Variants in CAMTA1 observed in about 807,000 individuals in gnomAD.
CAMTA1 encodes calmodulin-binding transcription activator 1.
CAMTA1 carries 27 observed loss-of-function variants against 170.9 expected under a neutral mutation model. The ratio of observed to expected loss-of-function variants is 0.16; its 90% CI spans 0.12 to 0.22. CAMTA1 has a LOEUF of 0.22. Ranked by LOEUF, CAMTA1 falls within the 10% of genes least tolerant of loss-of-function variation. The pLI is 1.00. For missense variants in CAMTA1, 1,619 were observed against 2,217.2 expected, an observed-to-expected ratio of 0.73 and a Z score of 5.42; for synonymous variants, 833 against 891.5, an observed-to-expected ratio of 0.93 and a Z score of 1.17.
chr1:7,364,110 G>T (rs2149999269), intron 5 of CAMTA1, among the ~76,000 whole-genome samples: 1 of 152,314 alleles, frequency 6.6e-6, no homozygotes, highest in South Asian at 2.1e-4. Context: ...TTTAGCCAGT[G>T]CCCTGCCTCA....
rs556303696 is a variant in CAMTA1 at position 7,160,981 on chromosome 1, A to G, written c.302+69610A>G. ...CTTTCTCTCTGTCCTTCTTAAGCCC[A>G]TCTGAGTTCAGGGTTCCATGATCTC... On this transcript the variant is annotated intron_variant, in intron 4 of 22. Coordinates refer to ENST00000303635, the MANE Select transcript of CAMTA1 (RefSeq NM_015215.4). 5.9e-5 allele frequency among the ~76,000 whole-genome samples: 9 copies of G among 152,314 alleles called. No homozygotes were observed. The South Asian group carries it at 1.9e-3, about 32-fold the overall frequency.
chr1:7,515,024 G>C (rs959737445), intron 6 of CAMTA1, among the ~76,000 whole-genome samples: 77 of 150,880 alleles, frequency 5.1e-4, no homozygotes, highest in African/African-American at 1.9e-3. Context: ...CTTCACCTGG[G>C]ATCATCAGGC....
chr1:7,264,888 G>A (rs986513733), intron 5 of CAMTA1, among the ~76,000 whole-genome samples: 1 of 152,182 alleles, frequency 6.6e-6, no homozygotes, highest in Non-Finnish European at 1.5e-5. Context: ...TCCTTTTGAT[G>A]AATAGAATGC....
intron 3 of CAMTA1, among the ~76,000 whole-genome samples, chr1:6,977,409 C>T (rs527809645): frequency 1.1e-4 from 16 of 151,992 alleles, no homozygotes; most frequent in East Asian, 5.8e-4. Flanking sequence ...GGCGCAGTCT[C>T]GGCTCACTGC....
chr1:7,428,427 C>T (rs72856652), intron 5 of CAMTA1, among the ~76,000 whole-genome samples: 10 of 144,860 alleles, frequency 6.9e-5, no homozygotes, highest in African/African-American at 8.6e-5. Flanking sequence ...AGGATTTTAC[C>T]GAGGGCCGAT....
chr1:7,567,502 G>A (rs114055160), intron 6 of CAMTA1, among the ~76,000 whole-genome samples: 1,941 of 152,324 alleles, frequency 0.013, 41 homozygotes, highest in African/African-American at 0.044. Context: ...GGTGGTGGCC[G>A]ATGACAGGGA....
intron 5 of CAMTA1, among the ~76,000 whole-genome samples, chr1:7,405,342 GCTTTT>G (rs1355356627): frequency 6.6e-6 from 1 of 151,792 alleles, no homozygotes; most frequent in Non-Finnish European, 1.5e-5. Context: ...TAGAAAAAAA[GCTTTT>G]CTTTTCTTTT....
At chr1:7,396,749 T>A (rs540161053) in intron 5 of CAMTA1, among the ~76,000 whole-genome samples, 12 of 152,118 alleles carry the variant, frequency 7.9e-5, no homozygotes, top group Non-Finnish European at 1.2e-4. Flanking sequence ...TCTACTGAAG[T>A]GATTATATAG....
chr1:7,487,966 C>T (rs2093639728), intron 6 of CAMTA1, among the ~76,000 whole-genome samples: 1 of 152,182 alleles, frequency 6.6e-6, no homozygotes, highest in African/African-American at 2.4e-5. Context: ...TTGCCGCCAC[C>T]TCCCACACAG....
rs1408936691 is a variant in CAMTA1, at chr1:7,113,613, A to G, written c.302+22242A>G. ...AGTTAAAGAGTTTGTGGCATTTTAA[A>G]TGCTTTATAGATTAATTTATATTCT... On this transcript the variant is annotated intron_variant, in intron 4 of 22. Transcript: ENST00000303635. This position sits in a 1 kb window ranked among gnomAD's most constrained non-coding sequence, Gnocchi z 4.5. 6.6e-6 allele frequency among the ~76,000 whole-genome samples: 1 copy of G among 152,208 alleles called. No individual in the cohort carries two copies. The highest frequency in any genetic ancestry group is 1.5e-5 in the Non-Finnish European group (1 of 68,026).
In CAMTA1 at chr1:7,547,744, T is replaced by C. The variant is rs993802074; in HGVS notation, c.510+79843T>C. 6.6e-6 allele frequency among the ~76,000 whole-genome samples: 1 copy of C among 151,970 alleles called. No individual in the cohort carries two copies. Among genetic ancestry groups the C allele is most frequent in the Non-Finnish European group, 1.5e-5 (1 of 68,024 alleles). Reference sequence around the variant, plus strand: ...TCATCAGCTACCGTTAGTGTTAGTATATTTATGTGTGGCCTAAGAGAATTA... The same window carrying C: ...TCATCAGCTACCGTTAGTGTTAGTACATTTATGTGTGGCCTAAGAGAATTA... On this transcript the variant is annotated intron_variant, in intron 6 of 22. Transcript: ENST00000303635. The surrounding 1 kb of genome is among the most constrained non-coding windows in gnomAD (Gnocchi z 5.7).
chr1:7,285,065 C>T (rs1022121088), intron 5 of CAMTA1, among the ~76,000 whole-genome samples: 1 of 152,206 alleles, frequency 6.6e-6, no homozygotes, highest in Non-Finnish European at 1.5e-5. Context: ...CTCCAAGGCT[C>T]CTTTTGGTCC....
At chr1:7,434,327 C>T (rs796794528) in intron 5 of CAMTA1, among the ~76,000 whole-genome samples, 82 of 152,312 alleles carry the variant, frequency 5.4e-4, no homozygotes, top group African/African-American at 1.7e-3. Flanking sequence ...CCCTCAGCCC[C>T]GAACACTGCA....
intron 5 of CAMTA1, chr1:7,440,983 G>A (rs922174070): frequency 6.6e-6 from 1 of 152,154 alleles, no homozygotes; most frequent in African/African-American, 2.4e-5. Context: ...GTCTCCATTT[G>A]ACTGGTCCTA....
At chr1:7,558,768 C>T (rs758432094) in intron 6 of CAMTA1, among the ~76,000 whole-genome samples, 16 of 152,258 alleles carry the variant, frequency 1.1e-4, no homozygotes, top group Non-Finnish European at 1.8e-4. Flanking sequence ...AACCCACTCG[C>T]CTGCCGAGGC....
chr1:7,457,764 G>A (rs1407846548), intron 5 of CAMTA1, among the ~76,000 whole-genome samples: 1 of 152,126 alleles, frequency 6.6e-6, no homozygotes, highest in Non-Finnish European at 1.5e-5. Flanking sequence ...CATCCAGACC[G>A]AGGGGCCCTC....
At chr1:7,696,045 C>T (rs1046036334) in intron 11 of CAMTA1, among the ~76,000 whole-genome samples, 6 of 152,160 alleles carry the variant, frequency 3.9e-5, no homozygotes, top group African/African-American at 1.4e-4. Context: ...CTCATTTTCA[C>T]GGGTACCTGA....
chr1:7,465,546 C>T lies in CAMTA1; in HGVS notation c.439-2284C>T, dbSNP rs149861170. Among the ~76,000 whole-genome samples the T allele has an allele frequency of 5.9e-5, 9 of 152,128 alleles. No homozygotes were observed. In the East Asian group the frequency reaches 1.3e-3, roughly 23 times the overall value. On this transcript the variant is annotated intron_variant, in intron 5 of 22. Transcript: ENST00000303635. ...GAGGAGTATCTAAAAATGGAGTAACCGGGTTCTGGAGTGAGGGCCCGAGGG... is the reference window on the plus strand; with the variant it reads ...GAGGAGTATCTAAAAATGGAGTAACTGGGTTCTGGAGTGAGGGCCCGAGGG...
At chr1:7,703,211 A>G (rs1375626817) in intron 11 of CAMTA1, among the ~76,000 whole-genome samples, 2 of 152,130 alleles carry the variant, frequency 1.3e-5, no homozygotes, top group Admixed American at 1.3e-4. Context: ...CTGGACCTTG[A>G]TGAATGCATA....
Sources: allele counts gnomAD v4.1 joint callset (sites outside exome capture counted in the v4.1 genomes callset), GRCh38; gene constraint gnomAD v4.1.1; non-coding constraint Gnocchi (gnomAD v3.1); transcripts MANE v1.5; gene names NCBI Gene and HGNC (gene_info 2026-07-23, HGNC 2026-07-21).